The following RYR1 variants were observed in gnomAD, a reference collection of about 807,000 sequenced individuals.
RYR1 encodes central core disease of muscle.
A neutral mutation model predicts 583.5 loss-of-function variants in RYR1; 342 were observed. That is an observed-to-expected ratio of 0.59 (90% CI 0.54 to 0.64). The LOEUF is 0.64. Ranked by LOEUF, RYR1 falls within the 30% of genes least tolerant of loss-of-function variation. The pLI, the probability that RYR1 is intolerant of heterozygous loss-of-function variation, is 0.00. For synonymous variants in RYR1, 2,791 were observed against 2,822.5 expected, an observed-to-expected ratio of 0.99 and a Z score of 0.35; for missense variants, 6,032 against 6,917.2, an observed-to-expected ratio of 0.87 and a Z score of 4.54.
At chr19:38,546,979 A>G (rs1404610843) in intron 88 of RYR1, among the ~76,000 whole-genome samples, 1 of 150,880 alleles carries the variant, frequency 6.6e-6, no homozygotes, top group Non-Finnish European at 1.5e-5. Flanking sequence ...AAACAAACCA[A>G]ATGTCCAAAT....
chr19:38,522,974 C>A, intron 67 of RYR1, 54 bp from the exon 68 acceptor site: 1 of 1,414,486 alleles, frequency 7.1e-7, no homozygotes, highest in Non-Finnish European at 9.7e-7. Flanking sequence ...CTCTGGGCAG[C>A]CCCCTTCCCT....
chr19:38,574,288 G>A lies in RYR1; in HGVS notation c.14129+981G>A, dbSNP rs972101271. 1.8e-4 allele frequency among the ~76,000 whole-genome samples: 25 copies of A among 135,210 alleles called. No homozygotes were observed. The Middle Eastern group carries it at 0.011, about 59-fold the overall frequency. The allele number at this position is 135,210 out of a possible 152,430, so 88.7% of individuals were successfully genotyped here. A position where few individuals can be genotyped will look rare whatever the true frequency, so the allele number is the denominator to read the frequency against. ...AAAAAAAAAAAAAGGAAAAGAAAAA[G>A]AAAGGAAAAAAAAAAAAGAAAGAAA... is the stretch of plus-strand genomic sequence containing the variant. On this transcript the variant is annotated intron_variant, in intron 96 of 105. Coordinates refer to ENST00000359596, the MANE Select transcript of RYR1 (RefSeq NM_000540.3).
At chr19:38,440,698 G>A (rs1972629753) in intron 1 of RYR1, 47 bp from the exon 2 acceptor site, 1 of 1,598,454 alleles carries the variant, frequency 6.3e-7, no homozygotes. Flanking sequence ...AGTATTTGTG[G>A]TATCCGGGCC....
chr19:38,577,424 C>T (rs1190282889), intron 97 of RYR1, among the ~76,000 whole-genome samples: 1 of 152,152 alleles, frequency 6.6e-6, no homozygotes, highest in Non-Finnish European at 1.5e-5. Flanking sequence ...TTAAACAAAA[C>T]AGTGATTCTG....
chr19:38,454,637 T>G (rs1271528880), intron 13 of RYR1, among the ~76,000 whole-genome samples: 2 of 152,222 alleles, frequency 1.3e-5, no homozygotes, highest in Admixed American at 6.5e-5. Context: ...GTATTTCCCC[T>G]AGAAGCAGTG....
chr19:38,467,413 C>G (rs527732091), intron 24 of RYR1, among the ~76,000 whole-genome samples, 197 bp from the exon 25 acceptor site: 3 of 152,282 alleles, frequency 2.0e-5, no homozygotes, highest in East Asian at 1.9e-4. Flanking sequence ...AGATGGGGGT[C>G]TCTCTCAACA....
At position 38,469,083 on chromosome 19, in the gene RYR1, G is replaced by T. The variant is rs747251082; in HGVS notation, c.3499G>T (p.Val1167Phe). Residue 1167 changes from valine to phenylalanine, a missense_variant, in exon 26 of 106, where the codon GTC (valine) becomes TTC (phenylalanine). Around this residue, in one of 11 missense-constraint regions of RYR1, gnomAD observed 2,627 missense variants for 2,961.3 expected, o/e 0.89. Coordinates refer to ENST00000359596, the MANE Select transcript of RYR1 (RefSeq NM_000540.3). ...CATTATCTTCACCCTCAATGGCGAG[G>T]TCCTCATGTCTGACTCAGGCTCCGA... ...NTIIFTLNGE[V>F]LMSDSGSETA... 1 of 1,614,160 alleles carries T rather than the reference G, an allele frequency of 6.2e-7. No individual in the cohort carries two copies. The highest frequency in any genetic ancestry group is 8.5e-7 in the Non-Finnish European group (1 of 1,180,030).
At chr19:38,524,038 C>G in intron 70 of RYR1, 109 bp downstream of exon 70, 1 of 1,270,732 alleles carries the variant, frequency 7.9e-7, no homozygotes, top group Non-Finnish European at 1.1e-6. Context: ...TCCCCACCCC[C>G]GTCCTCCCCT....
At chr19:38,542,066 CA>C (rs71165558) in intron 84 of RYR1, among the ~76,000 whole-genome samples, 184 of 80,746 alleles carry the variant, frequency 2.3e-3, no homozygotes, top group Middle Eastern at 8.8e-3. Flanking sequence ...GAGACCTTGT[CA>C]AAAAAAAAAA....
chr19:38,473,216 G>A (rs568352243), intron 27 of RYR1, among the ~76,000 whole-genome samples, 161 bp from the exon 28 acceptor site: 43 of 152,230 alleles, frequency 2.8e-4, no homozygotes, highest in Non-Finnish European at 5.1e-4. Context: ...CGGTGTACCC[G>A]GCCGGGAGCT....
intron 58 of RYR1, among the ~76,000 whole-genome samples, chr19:38,509,571 C>G (rs1234053729): frequency 6.6e-6 from 1 of 151,660 alleles, no homozygotes; most frequent in Non-Finnish European, 1.5e-5. Flanking sequence ...CCTGCCTCAG[C>G]CTCCCGAGTA....
chr19:38,514,550 G>A (rs1269886888), intron 63 of RYR1, among the ~76,000 whole-genome samples: 4 of 151,878 alleles, frequency 2.6e-5, no homozygotes, highest in Non-Finnish European at 5.9e-5. Context: ...AAAGTGCTGG[G>A]ATTACAGGCA....
intron 57 of RYR1, 28 bp from the exon 58 acceptor site, chr19:38,507,684 T>C: frequency 7.1e-7 from 1 of 1,417,140 alleles, no homozygotes; most frequent in Non-Finnish European, 1.0e-6. Flanking sequence ...GCGTCTGGGC[T>C]GATCCTTCTC....
rs766575921 is a variant in RYR1 at position 38,527,798 on chromosome 19, G to A, written c.10824+14G>A. ...TACCTGGACCAGGTGGGTGGGGCCG[G>A]AGGGGTCTTTCTACTGGGTCTCTGG... On this transcript the variant is annotated intron_variant, in intron 73 of 105. Coordinates refer to ENST00000359596, the MANE Select transcript of RYR1 (RefSeq NM_000540.3). 6.2e-6 allele frequency: 10 copies of A among 1,613,688 alleles called. No individual in the cohort carries two copies. Among genetic ancestry groups the A allele is most frequent in the Non-Finnish European group, 7.6e-6 (9 of 1,179,892 alleles).
At chr19:38,569,212 G>A (rs752380478) in intron 93 of RYR1, among the ~76,000 whole-genome samples, 32 of 152,202 alleles carry the variant, frequency 2.1e-4, no homozygotes, top group Admixed American at 5.2e-4. Context: ...GGGTTTCACC[G>A]TGTTAGCCAG....
chr19:38,456,401 C>T (rs1171903788), intron 16 of RYR1, among the ~76,000 whole-genome samples: 1 of 150,704 alleles, frequency 6.6e-6, no homozygotes, highest in Non-Finnish European at 1.5e-5. Context: ...CCTGCCTCAG[C>T]CTCCTGAGTA....
At chr19:38,553,402 T>C (rs1001104086) in intron 89 of RYR1, among the ~76,000 whole-genome samples, 24 of 151,080 alleles carry the variant, frequency 1.6e-4, no homozygotes, top group Admixed American at 7.3e-4. Flanking sequence ...TCCAGCACTT[T>C]AGGAGGCCAA....
rs147515913 is a variant in RYR1 at position 38,463,751 on chromosome 19, G to A, written c.2687G>A (p.Arg896Gln). ...TTGACCCTGGGTTTTCTCCAGGTTC[G>A]GGATGACAACAAGAGGCTGCACCCG... ...IEQGWTYGPV[R>Q]DDNKRLHPCL... The change falls in exon 22 of 106, where the codon CGG becomes CAG. Residue 896 changes from arginine (R) to glutamine (Q), a missense_variant. Physicochemically the swap from Arg to Gln is conservative, Grantham distance 43. Coordinates refer to ENST00000359596, the MANE Select transcript of RYR1 (RefSeq NM_000540.3). 1.6e-4 allele frequency: 264 copies of A among 1,613,926 alleles called. No individual in the cohort carries two copies. The highest frequency in any genetic ancestry group is 3.3e-4 in the Middle Eastern group (2 of 6,084).
In RYR1 at chr19:38,483,134, G is replaced by A. The variant is rs921668248; in HGVS notation, c.4707+21G>A. On this transcript the variant is annotated intron_variant, in intron 32 of 105. Transcript: ENST00000359596. This position sits in a 1 kb window ranked among gnomAD's most constrained non-coding sequence, Gnocchi z 6.3. ...AGAAGGTACAAGTGCAGTGATGGGG[G>A]CACTAATGGGGCCAGGCTGAGGCAG... 4 of 1,610,906 alleles carry A rather than the reference G, an allele frequency of 2.5e-6. No individual in the cohort carries two copies. Among genetic ancestry groups the A allele is most frequent in the East Asian group, 2.2e-5 (1 of 44,872 alleles).
Sources: gnomAD v4.1 joint callset for allele counts (sites outside exome capture counted in the v4.1 genomes callset) on GRCh38, gnomAD v4.1.1 for gene constraint, gnomAD v4.1.1 regional missense constraint, Gnocchi (gnomAD v3.1) non-coding constraint, MANE v1.5 for transcripts, NCBI Gene and HGNC (gene_info 2026-07-23, HGNC 2026-07-21) for gene names.